The following PCED1B variants were observed in gnomAD, a reference collection of about 807,000 sequenced individuals.
PCED1B encodes PC-esterase domain containing 1B.
For synonymous variants in PCED1B, 251 were observed against 246.1 expected, an observed-to-expected ratio of 1.02 and a Z score of -0.19; for missense variants, 573 against 573.9, an observed-to-expected ratio of 1.00 and a Z score of 0.02.
intron 1 of PCED1B, among the ~76,000 whole-genome samples, chr12:47,094,496 A>C (rs1048560426): frequency 6.6e-6 from 1 of 151,124 alleles, no homozygotes; most frequent in African/African-American, 2.4e-5. Context: ...TTGTCATTTT[A>C]TGTTCTTTTT....
At chr12:47,124,512 T>G (rs1359028527) in intron 2 of PCED1B, among the ~76,000 whole-genome samples, 1 of 11,992 alleles carries the variant, frequency 8.3e-5, no homozygotes, top group Non-Finnish European at 1.4e-4. Flanking sequence ...TACATGAGGT[T>G]TTTTTTTTTT....
At chr12:47,119,235 T>A (rs1939568306) in intron 2 of PCED1B, among the ~76,000 whole-genome samples, 1 of 152,026 alleles carries the variant, frequency 6.6e-6, no homozygotes, top group Non-Finnish European at 1.5e-5. Flanking sequence ...AATATAAAAA[T>A]TAATCCTAAA....
chr12:47,129,673 T>G (rs1042886136), intron 2 of PCED1B, among the ~76,000 whole-genome samples: 1 of 152,156 alleles, frequency 6.6e-6, no homozygotes, highest in Admixed American at 6.5e-5. Flanking sequence ...TAAATACCAC[T>G]GGGCAGTCTA....
intron 1 of PCED1B, among the ~76,000 whole-genome samples, chr12:47,092,172 G>T (rs1381436908): frequency 6.6e-6 from 1 of 151,960 alleles, no homozygotes; most frequent in African/African-American, 2.4e-5. Context: ...CAATTATAAT[G>T]ATGCATATAC....
chr12:47,145,247 G>A (rs956177846), intron 2 of PCED1B, among the ~76,000 whole-genome samples: 2 of 152,170 alleles, frequency 1.3e-5, no homozygotes, highest in Non-Finnish European at 2.9e-5. Context: ...ACTGAAAAAG[G>A]TGAGGAAGCT....
chr12:47,176,873 C>T (rs1366469199), intron 2 of PCED1B, among the ~76,000 whole-genome samples: 2 of 151,506 alleles, frequency 1.3e-5, no homozygotes, highest in Non-Finnish European at 2.9e-5. Flanking sequence ...AAAAAACCCA[C>T]TAATGTATTG....
chr12:47,087,662 A>T (rs1294378970), intron 1 of PCED1B, among the ~76,000 whole-genome samples: 2 of 152,224 alleles, frequency 1.3e-5, no homozygotes, highest in African/African-American at 4.8e-5. Context: ...TACTTGGGGC[A>T]TTCAAAAATT....
At chr12:47,138,734 C>T (rs1361023984) in intron 2 of PCED1B, among the ~76,000 whole-genome samples, 2 of 152,162 alleles carry the variant, frequency 1.3e-5, no homozygotes, top group Non-Finnish European at 2.9e-5. Flanking sequence ...GGGGTCTACA[C>T]CATCCTTGCC....
rs1052070487 is a variant in PCED1B at position 47,098,643 on chromosome 12, C to T, written c.-608-5470C>T. Among the ~76,000 whole-genome samples, 14 of 152,068 alleles carry T rather than the reference C, an allele frequency of 9.2e-5. No homozygotes were observed. In the South Asian group the frequency reaches 1.7e-3, roughly 18 times the overall value. On this transcript the variant is annotated intron_variant, in intron 1 of 3. Coordinates refer to ENST00000546455, the MANE Select transcript of PCED1B (RefSeq NM_138371.3). Reference sequence around the variant, plus strand: ...GACTACAGGCGCCCGCCACCACGCCCGGCTAATTTTTTCTATTTTTAGTAG... The same window carrying T: ...GACTACAGGCGCCCGCCACCACGCCTGGCTAATTTTTTCTATTTTTAGTAG...
chr12:47,165,673 A>G (rs1220799044), intron 2 of PCED1B, among the ~76,000 whole-genome samples: 1 of 152,172 alleles, frequency 6.6e-6, no homozygotes, highest in Non-Finnish European at 1.5e-5. Context: ...ACAAATGTTG[A>G]CTATTTGACA....
chr12:47,126,858 T>C (rs1486649982), intron 2 of PCED1B, among the ~76,000 whole-genome samples: 1 of 152,204 alleles, frequency 6.6e-6, no homozygotes, highest in Non-Finnish European at 1.5e-5. Flanking sequence ...GCTTTTCCAT[T>C]CCTGATGTTG....
intron 1 of PCED1B, among the ~76,000 whole-genome samples, chr12:47,103,282 C>A (rs1022926865): frequency 2.6e-5 from 4 of 152,068 alleles, no homozygotes; most frequent in Non-Finnish European, 4.4e-5. Context: ...GGCTTTATGG[C>A]CTTTTAAAAA....
At chr12:47,101,897 G>T (rs931408597) in intron 1 of PCED1B, among the ~76,000 whole-genome samples, 1 of 151,802 alleles carries the variant, frequency 6.6e-6, no homozygotes, top group Non-Finnish European at 1.5e-5. Context: ...AGTGAGCCGA[G>T]ATGGCACCAT....
rs1377686670 is a variant in PCED1B at position 47,079,661 on chromosome 12, G to C, written c.-673G>C. On this transcript the variant is annotated 5_prime_UTR_variant, in exon 1 of 4. Transcript: ENST00000546455. Reference sequence around the variant, plus strand: ...CGCGGCGGCAGCAGCAGCCCTGGACGCAGCAGCCAAGCTCTTCGCTGGCTC... The same window carrying C: ...CGCGGCGGCAGCAGCAGCCCTGGACCCAGCAGCCAAGCTCTTCGCTGGCTC... 6.6e-6 allele frequency: 1 copy of C among 152,374 alleles called. No homozygotes were observed. The highest frequency in any genetic ancestry group is 1.5e-5 in the Non-Finnish European group (1 of 68,342). The allele number at this position is 152,374 out of a possible 1,614,324, so 9.4% of individuals were successfully genotyped here. A position where few individuals can be genotyped will look rare whatever the true frequency, so the allele number is the denominator to read the frequency against.
chr12:47,163,884 A>G (rs1469405141), intron 2 of PCED1B, among the ~76,000 whole-genome samples: 1 of 152,214 alleles, frequency 6.6e-6, no homozygotes, highest in African/African-American at 2.4e-5. Context: ...GTACAAAGAG[A>G]TCACATGATG....
intron 1 of PCED1B, among the ~76,000 whole-genome samples, chr12:47,090,222 G>A (rs1340474469): frequency 6.6e-6 from 1 of 152,062 alleles, no homozygotes; most frequent in East Asian, 1.9e-4. Flanking sequence ...ATGGTAGAAT[G>A]ATGATCACAC....
At chr12:47,230,099 T>TC (rs1296645821) in intron 3 of PCED1B, among the ~76,000 whole-genome samples, 7 of 149,344 alleles carry the variant, frequency 4.7e-5, no homozygotes, top group Admixed American at 1.3e-4. Flanking sequence ...TTTTTTTTTT[T>TC]TTTTGAGACG....
intron 2 of PCED1B, among the ~76,000 whole-genome samples, chr12:47,130,936 A>G (rs183904010): frequency 3.3e-5 from 5 of 152,320 alleles, no homozygotes; most frequent in Admixed American, 2.6e-4. Context: ...ATTAACGAAG[A>G]TGATTGAGAT....
At chr12:47,159,835 C>T (rs532180982) in intron 2 of PCED1B, among the ~76,000 whole-genome samples, 5 of 151,936 alleles carry the variant, frequency 3.3e-5, no homozygotes, top group Admixed American at 2.0e-4. Flanking sequence ...TAAAATGTTT[C>T]TCCTATGTTT....
Sources: allele counts gnomAD v4.1 joint callset (sites outside exome capture counted in the v4.1 genomes callset), GRCh38; gene constraint gnomAD v4.1.1; transcripts MANE v1.5; gene names NCBI Gene and HGNC (gene_info 2026-07-23, HGNC 2026-07-21).